The following CARD14 variants were observed in gnomAD, a reference collection of about 807,000 sequenced individuals.
CARD14 encodes caspase recruitment domain-containing protein 14.
A neutral mutation model predicts 111.5 loss-of-function variants in CARD14; 107 were observed. That is an observed-to-expected ratio of 0.96 (90% confidence interval 0.82 to 1.13). CARD14 has a LOEUF of 1.13. Among genes scored for constraint, CARD14 ranks in the 50% most tolerant of loss-of-function variants. CARD14 has a pLI of 0.00. For synonymous variants in CARD14, 617 were observed against 579.6 expected (o/e 1.06, Z -0.93); for missense variants, 1,322 against 1,362.3 (o/e 0.97, Z 0.47).
chr17:80,200,356 C>A (rs1318100109), intron 16 of CARD14, among the ~76,000 whole-genome samples: 1 of 150,878 alleles, frequency 6.6e-6, no homozygotes, highest in Non-Finnish European at 1.5e-5. Context: ...CTTGCCTCAG[C>A]CTCCCATGTA....
rs34822755 is a variant in CARD14, at chr17:80,203,869, G to A, written c.2267G>A (p.Cys756Tyr). The A allele has an allele frequency of 1.8e-3, 2,805 of 1,597,026 alleles. 42 individuals are homozygous for A. In the African/African-American group the frequency reaches 0.033, roughly 19 times the overall value. The change falls in exon 19 of 24, where the codon TGC (cysteine) becomes TAC (tyrosine). Residue 756 changes from cysteine (C) to tyrosine (Y), a missense_variant. By Grantham distance (194) the Cys-to-Tyr change is radical. Transcript: ENST00000648509. This position sits in a 1 kb window ranked among gnomAD's most constrained non-coding sequence, Gnocchi z 4.6. Reference sequence around the variant, plus strand: ...CTCATCCAGGACATGACTCAGCAGTGCACCGTGACCCGCAAGGTGAGGCTC... The same window carrying A: ...CTCATCCAGGACATGACTCAGCAGTACACCGTGACCCGCAAGGTGAGGCTC... ...IALIQDMTQQ[C>Y]TVTRKPSSGG...
chr17:80,182,526 C>A lies in CARD14; in HGVS notation c.212-127C>A. 1 of 1,147,192 alleles carries A rather than the reference C, an allele frequency of 8.7e-7. No homozygotes were observed. Among genetic ancestry groups the A allele is most frequent in the Non-Finnish European group, 1.2e-6 (1 of 819,294 alleles). The allele number at this position is 1,147,192 out of a possible 1,614,324, so 71.1% of individuals were successfully genotyped here. A position where few individuals can be genotyped will look rare whatever the true frequency, so the allele number is the denominator to read the frequency against. On this transcript the variant is annotated intron_variant, in intron 5 of 23. Transcript: ENST00000648509. The surrounding 1 kb of genome is among the most constrained non-coding windows in gnomAD (Gnocchi z 4.7). The stretch of plus-strand genomic sequence containing the variant: ...AGCAGAACCCAGAAAACCGCTTTCA[C>A]CTCCCGATTCTTACATGTGCGGGGG...
At chr17:80,172,432 A>C (rs538601221) in intron 1 of CARD14, among the ~76,000 whole-genome samples, 135 of 152,322 alleles carry the variant, frequency 8.9e-4, no homozygotes, top group Non-Finnish European at 1.6e-3. Context: ...GATGCATCCT[A>C]GACCAGCCAA....
In CARD14 at chr17:80,176,095, A is replaced by G. The variant is rs1449067946; in HGVS notation, c.-366-2413A>G. ...AATTACAGGCATGAGCCACTGCACCAAGCCTGGATCTTTTTTTTTTTTTTT... is the reference window on the plus strand; with the variant it reads ...AATTACAGGCATGAGCCACTGCACCGAGCCTGGATCTTTTTTTTTTTTTTT... On this transcript the variant is annotated intron_variant, in intron 2 of 23. Transcript: ENST00000648509. Among the ~76,000 whole-genome samples, 4 of 144,774 alleles carry G rather than the reference A, an allele frequency of 2.8e-5. No individual in the cohort carries two copies. In the South Asian group the frequency reaches 6.7e-4, roughly 24 times the overall value. The allele number at this position is 144,774 out of a possible 152,430, so 95.0% of individuals were successfully genotyped here.
At position 80,189,079 on chromosome 17, in the gene CARD14, T is replaced by C. The variant is rs1316345823; in HGVS notation, c.843+535T>C. Among the ~76,000 whole-genome samples the C allele has an allele frequency of 6.6e-6, 1 of 151,978 alleles. No homozygotes were observed. The highest frequency in any genetic ancestry group is 1.5e-5 in the Non-Finnish European group (1 of 67,982). ...AAACAAAAATAAAAGCCGCTGGAGG[T>C]GCATCACAATGCCCGACTTGGTGGG... On this transcript the variant is annotated intron_variant, in intron 8 of 23. Transcript: ENST00000648509. The surrounding 1 kb of genome is among the most constrained non-coding windows in gnomAD (Gnocchi z 4.7).
rs752765870 is a variant in CARD14 at position 80,192,604 on chromosome 17, C to T, written c.1341C>T (p.Leu447=). ...CCAGAGACGACAGCGACTGCAGCCT[C>T]GTCAGCTCCACAGAGGTACGGCCGC... ...ICPRDDSDCS[L]VSSTESQLLS... is the part of the protein sequence containing the mutation. Residue 447 remains leucine, a synonymous_variant, in exon 12 of 24, where the codon CTC becomes CTT. Transcript: ENST00000648509. The T allele has an allele frequency of 6.8e-6, 11 of 1,612,800 alleles. No homozygotes were observed. The highest frequency in any genetic ancestry group is 4.0e-5 in the African/African-American group (3 of 74,930).
chr17:80,197,543 A>G (rs111851665), intron 14 of CARD14: 1,608 of 144,016 alleles, frequency 0.011, 15 homozygotes, highest in Non-Finnish European at 0.016. Context: ...AAAAAAAAAA[A>G]AAAGAAAGAA....
At chr17:80,175,584 A>T (rs2040005523) in intron 2 of CARD14, among the ~76,000 whole-genome samples, 1 of 152,030 alleles carries the variant, frequency 6.6e-6, no homozygotes, top group African/African-American at 2.4e-5. Flanking sequence ...GTGAACAGGG[A>T]TTCTGGAATG....
chr17:80,190,888 GA>G lies in CARD14; in HGVS notation c.1079del (p.Glu360GlyfsTer33), dbSNP rs767000578. 4 of 1,612,834 alleles carry G rather than the reference GA, an allele frequency of 2.5e-6. No individual in the cohort carries two copies. Among genetic ancestry groups the G allele is most frequent in the Non-Finnish European group, 3.4e-6 (4 of 1,179,620 alleles). Reference protein sequence around the residue: ...LQAQVCELQKERDQAYSARDS... With the variant: ...LQAQVCELQKXRDQAYSARDS... ...GGCCCAGGTGTGCGAGCTGCAGAAG[GA>G]GCGAGACCAGGTACCTGAGAGGCCG... is the stretch of plus-strand genomic sequence containing the variant. On this transcript the variant is annotated frameshift_variant, in exon 10 of 24. Coordinates refer to ENST00000648509, the MANE Select transcript of CARD14 (RefSeq NM_001366385.1). LOFTEE classifies it high-confidence loss of function.
At position 80,192,485 on chromosome 17, in the gene CARD14, C is replaced by T; in HGVS notation, c.1240-18C>T. On this transcript the variant is annotated intron_variant, in intron 11 of 23. Transcript: ENST00000648509. Reference sequence around the variant, plus strand: ...ACCTTTCCCGAATTAACCAGCCTGTCTGGCCTGTCTTTGGCAGCTCAAGCA... The same window carrying T: ...ACCTTTCCCGAATTAACCAGCCTGTTTGGCCTGTCTTTGGCAGCTCAAGCA... 2 of 1,602,292 alleles carry T rather than the reference C, an allele frequency of 1.2e-6. No individual in the cohort carries two copies. Among genetic ancestry groups the T allele is most frequent in the Non-Finnish European group, 1.7e-6 (2 of 1,170,126 alleles).
chr17:80,191,745 G>C (rs901227083), intron 11 of CARD14, among the ~76,000 whole-genome samples: 9 of 152,262 alleles, frequency 5.9e-5, no homozygotes, highest in African/African-American at 2.2e-4. Flanking sequence ...TTAGCGGAAG[G>C]TTCTGGAACC....
At chr17:80,191,640 C>T (rs757171438) in intron 11 of CARD14, among the ~76,000 whole-genome samples, 168 bp downstream of exon 11, 46 of 152,330 alleles carry the variant, frequency 3.0e-4, no homozygotes, top group Non-Finnish European at 5.1e-4. Flanking sequence ...CTGTGATGAG[C>T]GACACACTGG....
At chr17:80,190,961 T>G in intron 10 of CARD14, 62 bp downstream of exon 10, 1 of 1,577,162 alleles carries the variant, frequency 6.3e-7, no homozygotes, top group South Asian at 1.1e-5. Flanking sequence ...GAGGGCTGGT[T>G]CCGGGGACAG....
chr17:80,181,624 G>T lies in CARD14; in HGVS notation c.186G>T (p.Arg62=). The part of the protein sequence containing the change: ...LDEEEVLHSP[R]LTNSAMRAGH... ...AGGAGGAGGTGCTGCACAGCCCCCGGCTCACCAACAGCGCCATGCGGGCCG... is the reference window on the plus strand; with the variant it reads ...AGGAGGAGGTGCTGCACAGCCCCCGTCTCACCAACAGCGCCATGCGGGCCG... Residue 62 remains arginine, a synonymous_variant, in exon 5 of 24, where the codon CGG becomes CGT. Coordinates refer to ENST00000648509, the MANE Select transcript of CARD14 (RefSeq NM_001366385.1). The T allele has an allele frequency of 1.3e-6, 2 of 1,552,408 alleles. No individual in the cohort carries two copies. The highest frequency in any genetic ancestry group is 2.4e-5 in the South Asian group (2 of 84,162).
At position 80,198,954 on chromosome 17, in the gene CARD14, TG is replaced by T. The variant is rs1422669834; in HGVS notation, c.1851+364del. ...GGCATTTCTTTTCTTTCTTTTTTTT[TG>T]TTTGTTGTTTTGAAACAGGGTCTCA... On this transcript the variant is annotated intron_variant, in intron 16 of 23. Coordinates refer to ENST00000648509, the MANE Select transcript of CARD14 (RefSeq NM_001366385.1). The surrounding 1 kb of genome is among the most constrained non-coding windows in gnomAD (Gnocchi z 7.5). 2.7e-6 allele frequency: 3 copies of T among 1,102,056 alleles called. No homozygotes were observed. The African/African-American group carries it at 5.0e-5, about 18-fold the overall frequency. The allele number at this position is 1,102,056 out of a possible 1,614,324, so 68.3% of individuals were successfully genotyped here. A position where few individuals can be genotyped will look rare whatever the true frequency, so the allele number is the denominator to read the frequency against.
At position 80,195,285 on chromosome 17, in the gene CARD14, T is replaced by C. The variant is rs2040670273; in HGVS notation, c.1451T>C (p.Leu484Pro). The C allele has an allele frequency of 1.2e-6, 2 of 1,612,990 alleles. No homozygotes were observed. The highest frequency in any genetic ancestry group is 1.7e-6 in the Non-Finnish European group (2 of 1,179,836). ...CCCGCGCCCCCCAGCCAGCAGTCCC[T>C]GTACAAGCGGGTGGCCGAGGACTTC... ...SSPAPPSQQS[L>P]YKRVAEDFGE... The change falls in exon 13 of 24, where the codon CTG becomes CCG. Residue 484 changes from leucine to proline, a missense_variant. Coordinates refer to ENST00000648509, the MANE Select transcript of CARD14 (RefSeq NM_001366385.1). This position sits in a 1 kb window ranked among gnomAD's most constrained non-coding sequence, Gnocchi z 4.7.
At chr17:80,194,171 A>C (rs2040627574) in intron 12 of CARD14, among the ~76,000 whole-genome samples, 3 of 148,752 alleles carry the variant, frequency 2.0e-5, no homozygotes, top group African/African-American at 7.5e-5. Context: ...ACTCCACCTC[A>C]CTCCTCTGTC....
chr17:80,194,122 CTCTG>C (rs2040625532), intron 12 of CARD14, among the ~76,000 whole-genome samples: 1 of 152,094 alleles, frequency 6.6e-6, no homozygotes, highest in Non-Finnish European at 1.5e-5. Flanking sequence ...CTGTTGCTCT[CTCTG>C]TCTGGAATGT....
In CARD14 at chr17:80,189,906, C is replaced by T. The variant is rs201602000; in HGVS notation, c.963+34C>T. The T allele has an allele frequency of 1.5e-4, 232 of 1,580,002 alleles. No homozygotes were observed. The African/African-American group carries it at 3.0e-3, about 21-fold the overall frequency. ...TGAGCCCTTCCTCCCTTGTGACTCT[C>T]CTGGGGCTTGTCTCAGGGGTGCGGA... On this transcript the variant is annotated intron_variant, in intron 9 of 23. Coordinates refer to ENST00000648509, the MANE Select transcript of CARD14 (RefSeq NM_001366385.1). This position sits in a 1 kb window ranked among gnomAD's most constrained non-coding sequence, Gnocchi z 4.7.
Sources: gnomAD v4.1 joint callset for allele counts (sites outside exome capture counted in the v4.1 genomes callset) on GRCh38, gnomAD v4.1.1 for gene constraint, Gnocchi (gnomAD v3.1) non-coding constraint, MANE v1.5 for transcripts, NCBI Gene and HGNC (gene_info 2026-07-23, HGNC 2026-07-21) for gene names.